The following PRIM2 variants were observed in gnomAD, a reference collection of about 807,000 sequenced individuals.
PRIM2 encodes the protein DNA primase large subunit.
In PRIM2, 39 loss-of-function variants were observed where a neutral mutation model predicts 67.3. The ratio of observed to expected loss-of-function variants is 0.58; its 90% CI spans 0.45 to 0.76. The LOEUF (loss-of-function observed/expected upper bound fraction) is 0.76. PRIM2 is among the 30% of genes least tolerant of loss of function. The pLI, the probability that PRIM2 is intolerant of heterozygous loss-of-function variation, is 0.00. For synonymous variants in PRIM2, 143 were observed against 198.7 expected (o/e 0.72, Z 2.36); for missense variants, 398 against 598.7 (o/e 0.66, Z 3.50).
intron 7 of PRIM2, among the ~76,000 whole-genome samples, chr6:57,466,946 G>C (rs1197059894): frequency 6.6e-6 from 1 of 151,894 alleles, no homozygotes; most frequent in African/African-American, 2.4e-5. Flanking sequence ...ATGGAGAAAC[G>C]CTGTCTCTAC....
chr6:57,402,880 T>A (rs1478344980), intron 7 of PRIM2, among the ~76,000 whole-genome samples: 2 of 152,100 alleles, frequency 1.3e-5, no homozygotes, highest in African/African-American at 2.4e-5. Flanking sequence ...TTTCCCCACC[T>A]CAGTAGTTCC....
intron 7 of PRIM2, among the ~76,000 whole-genome samples, chr6:57,468,332 G>C (rs1336851725): frequency 1.3e-5 from 2 of 152,132 alleles, no homozygotes; most frequent in African/African-American, 4.8e-5. Flanking sequence ...AGAGTTTTTA[G>C]TATGAAGAAG....
chr6:57,387,602 C>T (rs1770193595), intron 7 of PRIM2, among the ~76,000 whole-genome samples: 1 of 151,998 alleles, frequency 6.6e-6, no homozygotes, highest in Admixed American at 6.6e-5. Flanking sequence ...ATAAAATATT[C>T]AAAGGTAAGT....
chr6:57,318,234 T>G (rs1767540065), intron 1 of PRIM2, among the ~76,000 whole-genome samples: 1 of 152,154 alleles, frequency 6.6e-6, no homozygotes, highest in African/African-American at 2.4e-5. Context: ...CCACCCCCAT[T>G]ACAAAATTAT....
intron 7 of PRIM2, among the ~76,000 whole-genome samples, chr6:57,434,648 TA>T (rs11299783): frequency 0.049 from 7,416 of 152,252 alleles, 334 homozygotes; most frequent in African/African-American, 0.12. Flanking sequence ...TCTCTTGATT[TA>T]TTTTTTTTCT....
At chr6:57,510,864 T>C (rs1774350633) in intron 8 of PRIM2, among the ~76,000 whole-genome samples, 1 of 152,168 alleles carries the variant, frequency 6.6e-6, no homozygotes. Flanking sequence ...AATAATATTA[T>C]TTGGCTTGAG....
chr6:57,491,421 A>G (rs1581950866), intron 7 of PRIM2, among the ~76,000 whole-genome samples: 1 of 152,232 alleles, frequency 6.6e-6, no homozygotes, highest in East Asian at 1.9e-4. Context: ...AAAAAGATAC[A>G]GGGTGGCAGG....
chr6:57,323,569 T>C (rs985611878), intron 3 of PRIM2, among the ~76,000 whole-genome samples: 5 of 151,956 alleles, frequency 3.3e-5, no homozygotes, highest in African/African-American at 1.2e-4. Context: ...AGAAATGTTT[T>C]GGCAATGAGA....
chr6:57,565,411 ATCTGCTG>A (rs1464801217), intron 10 of PRIM2, among the ~76,000 whole-genome samples: 2 of 148,606 alleles, frequency 1.3e-5, no homozygotes, highest in African/African-American at 5.0e-5. Context: ...AAGTTCTATG[ATCTGCTG>A]TCAGCAAGCT....
At chr6:57,530,783 TC>T (rs1237659894) in intron 8 of PRIM2, among the ~76,000 whole-genome samples, 4 of 151,952 alleles carry the variant, frequency 2.6e-5, no homozygotes, top group African/African-American at 9.7e-5. Flanking sequence ...GCTCACTGCA[TC>T]CTACACCTCC....
chr6:57,230,493 C>T, the PRIM2 span, among the ~76,000 whole-genome samples: 3 of 152,174 alleles, frequency 2.0e-5, no homozygotes, highest in Non-Finnish European at 2.9e-5. Flanking sequence ...TGTTTATCTA[C>T]GCTTATCAAG....
At chr6:57,230,085 A>G in the PRIM2 span, among the ~76,000 whole-genome samples, 1 of 152,248 alleles carries the variant, frequency 6.6e-6, no homozygotes, top group Admixed American at 6.5e-5. Context: ...TGGAATGCCC[A>G]CATCACATAG....
chr6:57,382,570 A>G (rs1178787540), intron 7 of PRIM2: 1 of 155,326 alleles, frequency 6.4e-6, no homozygotes, highest in Non-Finnish European at 1.4e-5. Context: ...AATATAGAAG[A>G]AAATCTTAAG....
chr6:57,530,520 A>T (rs1470159086), intron 8 of PRIM2, among the ~76,000 whole-genome samples: 85 of 152,240 alleles, frequency 5.6e-4, no homozygotes, highest in African/African-American at 2.0e-3. Context: ...AGGCAGATAG[A>T]GGGAGGGCGG....
At chr6:57,322,326 T>C (rs1767688018) in intron 3 of PRIM2, among the ~76,000 whole-genome samples, 1 of 152,106 alleles carries the variant, frequency 6.6e-6, no homozygotes, top group South Asian at 2.1e-4. Flanking sequence ...GCAAATGGGT[T>C]GCGGGGTTTA....
At chr6:57,514,364 G>C (rs1774436192) in intron 8 of PRIM2, among the ~76,000 whole-genome samples, 1 of 152,040 alleles carries the variant, frequency 6.6e-6, no homozygotes, top group South Asian at 2.1e-4. Flanking sequence ...TGTCTATTGT[G>C]GTAAATATGA....
chr6:57,505,276 T>G (rs1330685600), intron 7 of PRIM2: 1 of 152,206 alleles, frequency 6.6e-6, no homozygotes, highest in Non-Finnish European at 1.5e-5. Flanking sequence ...ACTCAGAGCA[T>G]TGGCCTCTCC....
chr6:57,565,055 ACTGACATTAAAACAC>A (rs1314816377), intron 10 of PRIM2, among the ~76,000 whole-genome samples: 10 of 152,302 alleles, frequency 6.6e-5, no homozygotes, highest in African/African-American at 9.6e-5. Context: ...CCTTTTTCAA[ACTGACATTAAAACAC>A]CTGACATTAA....
chr6:57,289,930 G>T, the PRIM2 span, among the ~76,000 whole-genome samples: 1 of 152,128 alleles, frequency 6.6e-6, no homozygotes, highest in Non-Finnish European at 1.5e-5. Flanking sequence ...ACATCTTAAT[G>T]ACAGGACCAA....
Sources: gnomAD v4.1 joint callset for allele counts (sites outside exome capture counted in the v4.1 genomes callset) on GRCh38, gnomAD v4.1.1 for gene constraint, MANE v1.5 for transcripts, NCBI Gene and HGNC (gene_info 2026-07-23, HGNC 2026-07-21) for gene names.